MINPP1: variants seen among roughly 807,000 people sequenced by gnomAD.
MINPP1 encodes the protein multiple inositol polyphosphate phosphatase 1.
In MINPP1, 28 loss-of-function variants were observed where a neutral mutation model predicts 46.1. The ratio of observed to expected loss-of-function variants is 0.61; its 90% CI spans 0.45 to 0.83. MINPP1 has a LOEUF of 0.83. Among genes scored for constraint, MINPP1 ranks in the 40% least tolerant of loss-of-function variants. The pLI, the probability that MINPP1 is intolerant of heterozygous loss-of-function variation, is 0.00. For missense variants in MINPP1, 603 were observed against 610.0 expected (o/e 0.99, Z 0.12); for synonymous variants, 268 against 249.1 (o/e 1.08, Z -0.72).
intron 4 of MINPP1, among the ~76,000 whole-genome samples, chr10:87,534,069 T>C (rs1187505234): frequency 3.1e-5 from 2 of 65,560 alleles, no homozygotes; most frequent in African/African-American, 6.9e-5. Context: ...TTTTTTTTTT[T>C]GGAGACAGAG....
intron 4 of MINPP1, among the ~76,000 whole-genome samples, chr10:87,537,511 T>TTG (rs1554853571): frequency 0.018 from 1,554 of 85,122 alleles, 9 homozygotes; most frequent in South Asian, 0.035. Flanking sequence ...TTATTACTGT[T>TTG]TGTGTGTGTG....
At chr10:87,530,038 A>G (rs937067240) in intron 4 of MINPP1, among the ~76,000 whole-genome samples, 1 of 152,156 alleles carries the variant, frequency 6.6e-6, no homozygotes, top group Non-Finnish European at 1.5e-5. Flanking sequence ...TTCTCGTGCC[A>G]TGGTTTTCAG....
At chr10:87,526,663 G>A (rs1851581668) in intron 4 of MINPP1, among the ~76,000 whole-genome samples, 1 of 152,166 alleles carries the variant, frequency 6.6e-6, no homozygotes, top group South Asian at 2.1e-4. Context: ...TTCTTCTAGG[G>A]TTTTTATGGT....
At chr10:87,550,611 C>T (rs548622868) in intron 4 of MINPP1, among the ~76,000 whole-genome samples, 10 of 152,178 alleles carry the variant, frequency 6.6e-5, no homozygotes, top group African/African-American at 2.2e-4. Context: ...TTTTCCTGAA[C>T]ATTTAGAAAA....
At chr10:87,531,075 G>A (rs940790306) in intron 4 of MINPP1, among the ~76,000 whole-genome samples, 2 of 152,182 alleles carry the variant, frequency 1.3e-5, no homozygotes, top group Admixed American at 1.3e-4. Context: ...GGATGGGAGT[G>A]TCCTGATTTT....
At position 87,521,026 on chromosome 10, in the gene MINPP1, A is replaced by C. The variant is rs553940180; in HGVS notation, c.934-10A>C. On this transcript the variant is annotated splice_polypyrimidine_tract_variant and intron_variant, in intron 3 of 4. Transcript: ENST00000371996. ...AAAATATATTAGAAATTATTTTTGAATTTTTTTAGGTATTAGAATATTTAA... is the reference window on the plus strand; with the variant it reads ...AAAATATATTAGAAATTATTTTTGACTTTTTTTAGGTATTAGAATATTTAA... The C allele has an allele frequency of 1.7e-5, 16 of 934,926 alleles. No homozygotes were observed. The South Asian group carries it at 2.4e-4, about 14-fold the overall frequency. The allele number at this position is 934,926 out of a possible 1,614,324, so 57.9% of individuals were successfully genotyped here.
At position 87,505,367 on chromosome 10, in the gene MINPP1, G is replaced by C. The variant is rs1353600959; in HGVS notation, c.452G>C (p.Arg151Pro). Residue 151 changes from arginine (R) to proline (P), a missense_variant, in exon 1 of 5, where the codon CGG becomes CCG. This residue lies in a region of MINPP1 where 20 missense variants were observed against 39.5 expected (regional missense o/e 0.51). Transcript: ENST00000371996. This position sits in a 1 kb window ranked among gnomAD's most constrained non-coding sequence, Gnocchi z 4.4. Reference sequence around the variant, plus strand: ...GACGGGCAGCTAGTAGAGAAGGGACGGCAGGATATGCGACAGCTGGCGCTG... The same window carrying C: ...GACGGGCAGCTAGTAGAGAAGGGACCGCAGGATATGCGACAGCTGGCGCTG... ...WMDGQLVEKG[R>P]QDMRQLALRL... is the part of the protein sequence containing the mutation. 6.2e-7 allele frequency: 1 copy of C among 1,613,912 alleles called. No homozygotes were observed. Among genetic ancestry groups the C allele is most frequent in the Non-Finnish European group, 8.5e-7 (1 of 1,179,944 alleles).
intron 4 of MINPP1, among the ~76,000 whole-genome samples, chr10:87,538,626 A>T (rs566456171): frequency 6.6e-6 from 1 of 152,214 alleles, no homozygotes; most frequent in South Asian, 2.1e-4. Context: ...TGCTTCTCCA[A>T]ATACTCACTG....
rs915471630 is a variant in MINPP1 at position 87,545,821 on chromosome 10, G to A, written c.1068-6261G>A. On this transcript the variant is annotated intron_variant, in intron 4 of 4. Coordinates refer to ENST00000371996, the MANE Select transcript of MINPP1 (RefSeq NM_004897.5). Reference sequence around the variant, plus strand: ...AATTACTGATTGGAGATTTGGCCCAGATACTGGTTTTATGACTAAAAGTTG... The same window carrying A: ...AATTACTGATTGGAGATTTGGCCCAAATACTGGTTTTATGACTAAAAGTTG... 2.6e-5 allele frequency among the ~76,000 whole-genome samples: 4 copies of A among 152,168 alleles called. No homozygotes were observed. The East Asian group carries it at 7.7e-4, about 29-fold the overall frequency.
At chr10:87,525,234 T>G (rs1851559152) in intron 4 of MINPP1, among the ~76,000 whole-genome samples, 1 of 152,196 alleles carries the variant, frequency 6.6e-6, no homozygotes, top group Admixed American at 6.5e-5. Context: ...TTTAGAACAT[T>G]TTCATCGCCT....
At chr10:87,525,220 C>A (rs192889074) in intron 4 of MINPP1, among the ~76,000 whole-genome samples, 2 of 152,348 alleles carry the variant, frequency 1.3e-5, no homozygotes, top group Admixed American at 6.5e-5. Context: ...ATCACTACTG[C>A]AACTTTAGAA....
Position 87,505,043 on chromosome 10 carries a change from T to C in MINPP1, c.128T>C (p.Leu43Pro). 1 of 1,613,290 alleles carries C rather than the reference T, an allele frequency of 6.2e-7. No individual in the cohort carries two copies. Among genetic ancestry groups the C allele is most frequent in the Non-Finnish European group, 8.5e-7 (1 of 1,179,902 alleles). Residue 43 changes from leucine to proline, a missense_variant, in exon 1 of 5, where the codon CTC (leucine) becomes CCC (proline). Transcript: ENST00000371996. The surrounding 1 kb of genome is among the most constrained non-coding windows in gnomAD (Gnocchi z 4.4). ...LEPRDPVASS[L>P]SPYFGTKTRY... is the part of the protein sequence containing the mutation. ...CCGAGGGACCCGGTGGCCTCGTCGC[T>C]CAGCCCCTATTTCGGCACCAAGACT...
At chr10:87,511,351 A>AT (rs1391123022) in intron 2 of MINPP1, among the ~76,000 whole-genome samples, 3 of 151,856 alleles carry the variant, frequency 2.0e-5, no homozygotes, top group African/African-American at 7.3e-5. Flanking sequence ...TGAGTGTTGT[A>AT]TTTTGTCTAG....
At chr10:87,534,010 A>G (rs987746116) in intron 4 of MINPP1, among the ~76,000 whole-genome samples, 2 of 150,362 alleles carry the variant, frequency 1.3e-5, no homozygotes, top group Admixed American at 1.3e-4. Context: ...AGTGCTAGGA[A>G]TCTCTGTAGT....
Position 87,541,948 on chromosome 10 carries a change from G to A in MINPP1, c.1068-10134G>A, listed in dbSNP as rs182170998. 4.9e-4 allele frequency among the ~76,000 whole-genome samples: 74 copies of A among 152,242 alleles called. No homozygotes were observed. The East Asian group carries it at 0.013, about 26-fold the overall frequency. ...TCACGTTTCAACATGAGATTGGGAG[G>A]GGACAAACATCCAAACCATATCATT... On this transcript the variant is annotated intron_variant, in intron 4 of 4. Coordinates refer to ENST00000371996, the MANE Select transcript of MINPP1 (RefSeq NM_004897.5).
intron 3 of MINPP1, among the ~76,000 whole-genome samples, chr10:87,518,651 C>A (rs1174220856): frequency 6.6e-6 from 1 of 152,158 alleles, no homozygotes; most frequent in East Asian, 1.9e-4. Context: ...GTTGAGGGCT[C>A]AGTCCCCAAG....
intron 3 of MINPP1, among the ~76,000 whole-genome samples, chr10:87,518,830 G>T (rs937656021): frequency 6.6e-6 from 1 of 152,198 alleles, no homozygotes. Flanking sequence ...TGAGTAGGGC[G>T]AGATATGGGG....
intron 3 of MINPP1, among the ~76,000 whole-genome samples, chr10:87,520,556 C>T (rs1441307547): frequency 6.6e-6 from 1 of 152,078 alleles, no homozygotes. Context: ...TTGACTTCTA[C>T]CTTCTCAAAA....
Position 87,505,581 on chromosome 10 carries a change from C to G in MINPP1, c.637+29C>G. On this transcript the variant is annotated intron_variant, in intron 1 of 4. Transcript: ENST00000371996. The surrounding 1 kb of genome is among the most constrained non-coding windows in gnomAD (Gnocchi z 4.4). Reference sequence around the variant, plus strand: ...ACCCCCCGGGCGGCCCGTGTGCTGTCCCGGTCCTCCCACCCGCCCTGGATG... The same window carrying G: ...ACCCCCCGGGCGGCCCGTGTGCTGTGCCGGTCCTCCCACCCGCCCTGGATG... The G allele has an allele frequency of 6.3e-7, 1 of 1,580,396 alleles. No individual in the cohort carries two copies. Among genetic ancestry groups the G allele is most frequent in the Non-Finnish European group, 8.5e-7 (1 of 1,170,372 alleles).
Sources: allele counts gnomAD v4.1 joint callset (sites outside exome capture counted in the v4.1 genomes callset), GRCh38; gene constraint gnomAD v4.1.1; regional missense constraint gnomAD v4.1.1; non-coding constraint Gnocchi (gnomAD v3.1); transcripts MANE v1.5; gene names NCBI Gene and HGNC (gene_info 2026-07-23, HGNC 2026-07-21).